Variants in CELF2 observed in about 807,000 individuals in gnomAD.
CELF2 encodes the protein CUG triplet repeat RNA-binding protein 2.
CELF2 carries 8 observed loss-of-function variants against 62.6 expected under a neutral mutation model. The ratio of observed to expected loss-of-function variants is 0.13; its 90% CI spans 0.07 to 0.23. CELF2 has a LOEUF of 0.23. CELF2 is among the 10% of genes least tolerant of loss of function. CELF2 has a pLI of 1.00. For missense variants in CELF2, 333 were observed against 671.0 expected (o/e 0.50, Z 5.56); for synonymous variants, 258 against 250.0 (o/e 1.03, Z -0.30).
intron 1 of CELF2, among the ~76,000 whole-genome samples, chr10:11,084,103 G>T (rs75644798): frequency 2.1e-4 from 32 of 152,200 alleles, no homozygotes; most frequent in Non-Finnish European, 2.8e-4. Flanking sequence ...GGAAACTGTC[G>T]CTTGGAAGAT....
the CELF2 span, among the ~76,000 whole-genome samples, chr10:10,709,152 C>T: frequency 3.0e-4 from 45 of 152,204 alleles, no homozygotes; most frequent in African/African-American, 9.6e-4. Context: ...AGAAAGGAAG[C>T]GGCAAATGGA....
the CELF2 span, among the ~76,000 whole-genome samples, chr10:10,651,339 CG>C: frequency 6.7e-6 from 1 of 148,438 alleles, no homozygotes; most frequent in Non-Finnish European, 1.5e-5. Context: ...AACAAAGCAG[CG>C]GGGAAGCTCG....
At chr10:10,745,166 T>C in the CELF2 span, among the ~76,000 whole-genome samples, 1 of 151,048 alleles carries the variant, frequency 6.6e-6, no homozygotes, top group East Asian at 1.9e-4. Flanking sequence ...TGAAGAGACA[T>C]TTGAAAAGAG....
At chr10:10,742,493 G>A in the CELF2 span, among the ~76,000 whole-genome samples, 1 of 151,738 alleles carries the variant, frequency 6.6e-6, no homozygotes, top group East Asian at 1.9e-4. Context: ...GCCAGGCATG[G>A]TGGTGCACGC....
Position 10,983,888 on chromosome 10 carries a change from T to C in CELF2, c.89+63889T>C, listed in dbSNP as rs1248252641. Among the ~76,000 whole-genome samples the C allele has an allele frequency of 6.6e-6, 1 of 152,172 alleles. No individual in the cohort carries two copies. The highest frequency in any genetic ancestry group is 2.4e-5 in the African/African-American group (1 of 41,446). On this transcript the variant is annotated intron_variant, in intron 2 of 13. Transcript: ENST00000636488. The surrounding 1 kb of genome is among the most constrained non-coding windows in gnomAD (Gnocchi z 5.2). ...CCGATATATCTGTTATTAATGTAGG[T>C]TTTGAAGCTTGCCCTCGAGGATTTA...
At chr10:10,862,279 T>A (rs1231049046) in intron 1 of CELF2, among the ~76,000 whole-genome samples, 1 of 152,150 alleles carries the variant, frequency 6.6e-6, no homozygotes, top group Non-Finnish European at 1.5e-5. Flanking sequence ...AGAACGTGGC[T>A]GGGCAGTAGT....
chr10:11,048,829 T>A (rs151332006), intron 1 of CELF2, among the ~76,000 whole-genome samples: 1 of 152,346 alleles, frequency 6.6e-6, no homozygotes, highest in South Asian at 2.1e-4. Context: ...CTCCAAAGTG[T>A]GTGTGCACAT....
At chr10:10,621,453 G>C in the CELF2 span, among the ~76,000 whole-genome samples, 136 of 152,190 alleles carry the variant, frequency 8.9e-4, 1 homozygote, top group Admixed American at 2.1e-3. Flanking sequence ...GCGTAGCATA[G>C]GTCTCCACCC....
chr10:10,957,104 G>A lies in CELF2; in HGVS notation c.89+37105G>A, dbSNP rs1481649553. ...TAGACTCTTGCACAAGGGAGCTCTG[G>A]AAGTATTTAGAGGCAGCCACCTTCT... On this transcript the variant is annotated intron_variant, in intron 2 of 13. Transcript: ENST00000636488. This position sits in a 1 kb window ranked among gnomAD's most constrained non-coding sequence, Gnocchi z 4.1. Among the ~76,000 whole-genome samples the A allele has an allele frequency of 6.6e-6, 1 of 152,104 alleles. No individual in the cohort carries two copies. The highest frequency in any genetic ancestry group is 1.5e-5 in the Non-Finnish European group (1 of 68,034).
At chr10:10,711,589 T>C in the CELF2 span, among the ~76,000 whole-genome samples, 2 of 152,044 alleles carry the variant, frequency 1.3e-5, no homozygotes, top group African/African-American at 2.4e-5. Flanking sequence ...ACCATGAAAA[T>C]AGAGGCAGGG....
chr10:10,957,933 T>A lies in CELF2; in HGVS notation c.89+37934T>A, dbSNP rs375628828. ...AAGAAAATCATTTTATGTCACCATT[T>A]TTGTTATGTGTTTCAGAGGAGCGCT... On this transcript the variant is annotated intron_variant, in intron 2 of 13. Coordinates refer to the CELF2 transcript ENST00000636488. The surrounding 1 kb of genome is among the most constrained non-coding windows in gnomAD (Gnocchi z 4.1). Among the ~76,000 whole-genome samples, 2 of 152,184 alleles carry A rather than the reference T, an allele frequency of 1.3e-5. No individual in the cohort carries two copies. The highest frequency in any genetic ancestry group is 4.8e-5 in the African/African-American group (2 of 41,446).
chr10:10,553,408 G>C, the CELF2 span, among the ~76,000 whole-genome samples: 1 of 152,090 alleles, frequency 6.6e-6, no homozygotes, highest in Non-Finnish European at 1.5e-5. Flanking sequence ...CATTATGAAG[G>C]CTCCCTCTTC....
At chr10:10,878,132 A>G (rs1286194375) in intron 1 of CELF2, among the ~76,000 whole-genome samples, 1 of 152,166 alleles carries the variant, frequency 6.6e-6, no homozygotes, top group Non-Finnish European at 1.5e-5. Context: ...AGACACAGAA[A>G]TGAACACCAC....
chr10:10,588,887 G>T, the CELF2 span, among the ~76,000 whole-genome samples: 1 of 152,150 alleles, frequency 6.6e-6, no homozygotes, highest in South Asian at 2.1e-4. Flanking sequence ...TGAAGTGCCA[G>T]TTTAAACTCT....
intron 2 of CELF2, among the ~76,000 whole-genome samples, chr10:10,967,620 G>A (rs1192453552): frequency 6.6e-6 from 1 of 152,212 alleles, no homozygotes; most frequent in Non-Finnish European, 1.5e-5. Context: ...AGTTTGCCGT[G>A]CAGCCTAAGA....
intron 1 of CELF2, among the ~76,000 whole-genome samples, chr10:11,023,090 G>T (rs1277711368): frequency 6.6e-6 from 1 of 152,104 alleles, no homozygotes; most frequent in African/African-American, 2.4e-5. Context: ...GTTTCTTCAC[G>T]GGAGGGTCAC....
the CELF2 span, among the ~76,000 whole-genome samples, chr10:10,547,955 G>C: frequency 3.3e-5 from 5 of 152,096 alleles, no homozygotes; most frequent in East Asian, 1.9e-4. Flanking sequence ...TGTGGAGAGG[G>C]ATGCCATTCA....
chr10:11,228,743 A>C (rs1385434122), intron 3 of CELF2, among the ~76,000 whole-genome samples: 1 of 145,346 alleles, frequency 6.9e-6, no homozygotes, highest in African/African-American at 2.5e-5. Flanking sequence ...AAAAAAAAAA[A>C]AACTTGGAAC....
chr10:10,537,932 C>A, the CELF2 span, among the ~76,000 whole-genome samples: 1 of 152,074 alleles, frequency 6.6e-6, no homozygotes, highest in Admixed American at 6.5e-5. Flanking sequence ...GCCGCGGGAG[C>A]CTGATTAGGA....
Sources: allele counts gnomAD v4.1 joint callset (sites outside exome capture counted in the v4.1 genomes callset), GRCh38; gene constraint gnomAD v4.1.1; non-coding constraint Gnocchi (gnomAD v3.1); transcripts MANE v1.5; gene names NCBI Gene and HGNC (gene_info 2026-07-23, HGNC 2026-07-21).